Variants in CLECL1 observed in about 807,000 individuals in gnomAD.
CLECL1 encodes C-type lectin-like domain family 1.
the CLECL1 span, among the ~76,000 whole-genome samples, chr12:9,704,716 A>G: frequency 1.3e-5 from 2 of 152,098 alleles, no homozygotes; most frequent in Non-Finnish European, 2.9e-5. Context: ...CTAGTTCCAT[A>G]TATGTCTCTG....
downstream of CLECL1, among the ~76,000 whole-genome samples, chr12:9,718,066 T>C (rs1352911262): frequency 1.3e-5 from 2 of 152,142 alleles, no homozygotes; most frequent in African/African-American, 4.8e-5. Flanking sequence ...CTTTGGCCTA[T>C]ACATTATTTA....
At chr12:9,706,289 A>G in the CLECL1 span, among the ~76,000 whole-genome samples, 1 of 152,224 alleles carries the variant, frequency 6.6e-6, no homozygotes, top group Non-Finnish European at 1.5e-5. Context: ...ATATAGAATC[A>G]TGTCATCTGC....
At chr12:9,724,296 A>C (rs1168009222) in intron 3 of CLECL1, among the ~76,000 whole-genome samples, 2 of 152,194 alleles carry the variant, frequency 1.3e-5, no homozygotes, top group African/African-American at 4.8e-5. Context: ...AACTTTCACA[A>C]TGTATAGTAT....
upstream of CLECL1, among the ~76,000 whole-genome samples, chr12:9,733,873 G>A (rs1422238319): frequency 6.6e-6 from 1 of 152,074 alleles, no homozygotes; most frequent in African/African-American, 2.4e-5. Flanking sequence ...AAAGGCTCAG[G>A]GTCCTATTAG....
the CLECL1 span, among the ~76,000 whole-genome samples, chr12:9,704,719 T>G: frequency 6.6e-6 from 1 of 152,192 alleles, no homozygotes; most frequent in Non-Finnish European, 1.5e-5. Context: ...GTTCCATATA[T>G]GTCTCTGCAA....
At chr12:9,712,255 C>T (rs1866205406), downstream of CLECL1, among the ~76,000 whole-genome samples, 1 of 152,198 alleles carries the variant, frequency 6.6e-6, no homozygotes, top group Non-Finnish European at 1.5e-5. Flanking sequence ...CTATTCTGCA[C>T]ACATTATTTA....
At chr12:9,731,767 A>G (rs1173453000) in intron 1 of CLECL1, among the ~76,000 whole-genome samples, 1 of 152,218 alleles carries the variant, frequency 6.6e-6, no homozygotes, top group African/African-American at 2.4e-5. Flanking sequence ...CCACATCCCT[A>G]AACTGGGAAA....
intron 1 of CLECL1, among the ~76,000 whole-genome samples, chr12:9,732,536 A>G (rs1866459612): frequency 6.6e-6 from 1 of 152,246 alleles, no homozygotes; most frequent in South Asian, 2.1e-4. Flanking sequence ...ATTGTAAAAG[A>G]ATAAATAACA....
intron 3 of CLECL1, among the ~76,000 whole-genome samples, chr12:9,726,170 A>G (rs1866376963): frequency 6.6e-6 from 1 of 152,182 alleles, no homozygotes; most frequent in Admixed American, 6.5e-5. Flanking sequence ...ACAAAGAATG[A>G]ATTTGGTCAC....
At chr12:9,715,242 A>G (rs1015062231), downstream of CLECL1, among the ~76,000 whole-genome samples, 2 of 152,216 alleles carry the variant, frequency 1.3e-5, no homozygotes, top group Non-Finnish European at 2.9e-5. Context: ...TTTCTAATCT[A>G]GAGAACCGCA....
At chr12:9,714,070 A>G (rs1002678261), downstream of CLECL1, among the ~76,000 whole-genome samples, 6 of 152,222 alleles carry the variant, frequency 3.9e-5, no homozygotes, top group Non-Finnish European at 1.5e-5. Context: ...GCATTTCTTC[A>G]TAAGAGTCTC....
At chr12:9,704,221 T>G in the CLECL1 span, 1 of 152,214 alleles carries the variant, frequency 6.6e-6, no homozygotes, top group Non-Finnish European at 1.5e-5. Flanking sequence ...TCTTTAGAAT[T>G]TTAATTGCAC....
At chr12:9,723,143 A>G (rs779827387) in intron 3 of CLECL1, among the ~76,000 whole-genome samples, 12 of 152,228 alleles carry the variant, frequency 7.9e-5, no homozygotes, top group Non-Finnish European at 1.6e-4. Flanking sequence ...TAAAGGAAGA[A>G]TAGAAATTAG....
the CLECL1 span, among the ~76,000 whole-genome samples, chr12:9,703,148 A>C: frequency 0.056 from 8,559 of 152,268 alleles, 259 homozygotes; most frequent in African/African-American, 0.071. Flanking sequence ...TCTGACTGCA[A>C]TCCATTCTGG....
chr12:9,710,842 G>T, the CLECL1 span, among the ~76,000 whole-genome samples: 2 of 152,122 alleles, frequency 1.3e-5, no homozygotes, highest in South Asian at 4.1e-4. Context: ...GACTTCAGGG[G>T]AAAACCATCT....
chr12:9,704,510 C>G, the CLECL1 span, among the ~76,000 whole-genome samples: 4 of 152,172 alleles, frequency 2.6e-5, no homozygotes, highest in Admixed American at 6.5e-5. Flanking sequence ...TATTTTATCA[C>G]TCAAGTATTA....
At chr12:9,708,089 G>T in the CLECL1 span, among the ~76,000 whole-genome samples, 1 of 152,312 alleles carries the variant, frequency 6.6e-6, no homozygotes, top group South Asian at 2.1e-4. Flanking sequence ...AGGAGGGTGG[G>T]AGGAAGCTGG....
chr12:9,724,247 T>C lies in CLECL1; in HGVS notation n.263-1434A>G, dbSNP rs767083628. 4.6e-5 allele frequency among the ~76,000 whole-genome samples: 7 copies of C among 152,132 alleles called. No individual in the cohort carries two copies. The East Asian group carries it at 9.6e-4, about 21-fold the overall frequency. ...AAGGAAAATAAACACTTTCACTTTT[T>C]TTGGAGGAATATGTGAGAAAACACA... is the stretch of plus-strand genomic sequence containing the variant. On this transcript the variant is annotated intron_variant and non_coding_transcript_variant, in intron 3 of 3. Transcript: ENST00000621400.
At chr12:9,731,476 A>C (rs1209574814) in intron 1 of CLECL1, among the ~76,000 whole-genome samples, 1 of 152,212 alleles carries the variant, frequency 6.6e-6, no homozygotes, top group Non-Finnish European at 1.5e-5. Context: ...AATCAGTGAA[A>C]GGTATGAGGT....
Sources: gnomAD v4.1 joint callset for allele counts (sites outside exome capture counted in the v4.1 genomes callset) on GRCh38, gnomAD v4.1.1 for gene constraint, MANE v1.5 for transcripts, NCBI Gene and HGNC (gene_info 2026-07-23, HGNC 2026-07-21) for gene names.